Variants in KCNH7 observed in about 807,000 individuals in gnomAD.
KCNH7 encodes voltage-gated inwardly rectifying potassium channel KCNH7.
A neutral mutation model predicts 120.8 loss-of-function variants in KCNH7; 49 were observed. That is an observed-to-expected ratio of 0.41 (90% confidence interval 0.32 to 0.51). The LOEUF (loss-of-function observed/expected upper bound fraction) is 0.51. Among genes scored for constraint, KCNH7 ranks in the 20% least tolerant of loss-of-function variants. The pLI is 0.38. For missense variants in KCNH7, 1,097 were observed against 1,446.6 expected, an observed-to-expected ratio of 0.76 and a Z score of 3.92; for synonymous variants, 547 against 516.1, an observed-to-expected ratio of 1.06 and a Z score of -0.81.
intron 6 of KCNH7, among the ~76,000 whole-genome samples, chr2:162,501,354 A>G (rs950138790): frequency 6.6e-6 from 1 of 152,090 alleles, no homozygotes; most frequent in Non-Finnish European, 1.5e-5. Context: ...GCAGTTTGAA[A>G]AAGGCTTTTG....
At chr2:162,459,321 T>C (rs956662882) in intron 6 of KCNH7, among the ~76,000 whole-genome samples, 2 of 152,098 alleles carry the variant, frequency 1.3e-5, no homozygotes, top group African/African-American at 4.8e-5. Flanking sequence ...AAAGAGCCTA[T>C]GCAAATAAAA....
intron 2 of KCNH7, among the ~76,000 whole-genome samples, chr2:162,782,682 G>C (rs922580924): frequency 1.3e-5 from 2 of 152,298 alleles, no homozygotes; most frequent in African/African-American, 4.8e-5. Context: ...GAAAACATCT[G>C]AGTATCAAGA....
chr2:162,557,187 A>G (rs112727212), intron 2 of KCNH7, among the ~76,000 whole-genome samples: 2 of 152,292 alleles, frequency 1.3e-5, no homozygotes, highest in African/African-American at 4.8e-5. Context: ...GTGCACTCAT[A>G]TGGCTGGCTG....
Position 162,371,719 on chromosome 2 carries a change from A to T in KCNH7, c.*110T>A. On this transcript the variant is annotated 3_prime_UTR_variant, in exon 16 of 16. Transcript: ENST00000332142. ...AGGAAAATATACAGTACTTTTGCATATAATGGTACCTTGTGAGCCCCTGAG... is the reference window on the plus strand; with the variant it reads ...AGGAAAATATACAGTACTTTTGCATTTAATGGTACCTTGTGAGCCCCTGAG... 1 of 1,058,572 alleles carries T rather than the reference A, an allele frequency of 9.4e-7. No homozygotes were observed. The highest frequency in any genetic ancestry group is 1.3e-6 in the Non-Finnish European group (1 of 747,868). 65.6% of individuals were successfully genotyped at this position (1,058,572 alleles called of 1,614,324 possible). A position where few individuals can be genotyped will look rare whatever the true frequency, so the allele number is the denominator to read the frequency against.
chr2:162,623,923 A>C (rs1024945710), intron 2 of KCNH7, among the ~76,000 whole-genome samples: 5 of 152,182 alleles, frequency 3.3e-5, no homozygotes, highest in African/African-American at 1.2e-4. Flanking sequence ...CCGCACTCTG[A>C]AAATGTTAAA....
intron 2 of KCNH7, among the ~76,000 whole-genome samples, chr2:162,745,061 C>T (rs1464457119): frequency 6.6e-6 from 1 of 152,146 alleles, no homozygotes; most frequent in East Asian, 1.9e-4. Flanking sequence ...ATTCAGGCAG[C>T]TAAAATTCTC....
intron 3 of KCNH7, among the ~76,000 whole-genome samples, chr2:162,521,190 C>T (rs1282141704): frequency 6.6e-6 from 1 of 151,844 alleles, no homozygotes; most frequent in African/African-American, 2.4e-5. Context: ...GGGCAGGGCC[C>T]CAGGCTATTT....
intron 2 of KCNH7, among the ~76,000 whole-genome samples, chr2:162,776,873 C>T (rs1683260395): frequency 6.6e-6 from 1 of 152,114 alleles, no homozygotes; most frequent in African/African-American, 2.4e-5. Flanking sequence ...AACTTTCTGG[C>T]TTGGGTAGAG....
At chr2:162,738,501 TTCAGAC>T (rs1688000584) in intron 2 of KCNH7, among the ~76,000 whole-genome samples, 2 of 152,198 alleles carry the variant, frequency 1.3e-5, no homozygotes, top group African/African-American at 4.8e-5. Flanking sequence ...GACAGAGGCT[TTCAGAC>T]TCAGTCAGGA....
chr2:162,725,931 A>G lies in KCNH7; in HGVS notation c.307+110606T>C, dbSNP rs192577830. ...TCATGTCATCTGCACATATTTCAGC[A>G]TGTATTTCTAAAAGAATATTTTCTT... On this transcript the variant is annotated intron_variant, in intron 2 of 15. Transcript: ENST00000332142. 1.6e-3 allele frequency among the ~76,000 whole-genome samples: 251 copies of G among 152,328 alleles called. 2 individuals carry two copies. The highest frequency in any genetic ancestry group is 5.8e-3 in the African/African-American group (240 of 41,564).
At chr2:162,524,004 T>G (rs1337230481) in intron 3 of KCNH7, among the ~76,000 whole-genome samples, 1 of 151,490 alleles carries the variant, frequency 6.6e-6, no homozygotes, top group East Asian at 2.0e-4. Flanking sequence ...GTATGGGGAG[T>G]AAAGTAAGGT....
intron 2 of KCNH7, among the ~76,000 whole-genome samples, chr2:162,572,131 T>G (rs1315237537): frequency 6.6e-6 from 1 of 151,922 alleles, no homozygotes; most frequent in Non-Finnish European, 1.5e-5. Context: ...GGGAGAAAAT[T>G]TTCGCAACCT....
At chr2:162,822,210 G>A (rs1328386914) in intron 2 of KCNH7, among the ~76,000 whole-genome samples, 1 of 151,382 alleles carries the variant, frequency 6.6e-6, no homozygotes, top group Non-Finnish European at 1.5e-5. Flanking sequence ...AGATGTGGGT[G>A]CAAACTTCAT....
At chr2:162,411,738 T>C (rs1329604595) in intron 9 of KCNH7, among the ~76,000 whole-genome samples, 1 of 151,608 alleles carries the variant, frequency 6.6e-6, no homozygotes, top group Non-Finnish European at 1.5e-5. Flanking sequence ...ATTAAGATAT[T>C]TATTAAAATA....
At chr2:162,695,788 G>A (rs548154102) in intron 2 of KCNH7, among the ~76,000 whole-genome samples, 10 of 152,126 alleles carry the variant, frequency 6.6e-5, no homozygotes, top group African/African-American at 2.2e-4. Context: ...ATTATTGAAG[G>A]AGAGTCAAAT....
intron 2 of KCNH7, among the ~76,000 whole-genome samples, chr2:162,661,708 A>G (rs1684964895): frequency 6.6e-6 from 1 of 152,148 alleles, no homozygotes; most frequent in African/African-American, 2.4e-5. Flanking sequence ...TGAAAATATC[A>G]TAAACTTCAT....
chr2:162,380,101 G>A, intron 13 of KCNH7, 80 bp from the exon 14 acceptor site: 1 of 1,509,852 alleles, frequency 6.6e-7, no homozygotes, highest in Non-Finnish European at 9.1e-7. Context: ...CACAAGACAA[G>A]CTGGAAAGGA....
intron 9 of KCNH7, among the ~76,000 whole-genome samples, chr2:162,416,317 G>T (rs1687540673): frequency 6.6e-6 from 1 of 150,710 alleles, no homozygotes; most frequent in South Asian, 2.1e-4. Flanking sequence ...AAGTTGCAGT[G>T]AGCTGAGATC....
chr2:162,741,344 T>TATTAATAACATGTTATTAATTAC (rs1167720478), intron 2 of KCNH7, among the ~76,000 whole-genome samples: 1 of 144,354 alleles, frequency 6.9e-6, no homozygotes, highest in East Asian at 2.4e-4. Flanking sequence ...TTATTAATTA[T>TATTAATAACATGTTATTAATTAC]ACATATTAAT....
Sources: gnomAD v4.1 joint callset for allele counts (sites outside exome capture counted in the v4.1 genomes callset) on GRCh38, gnomAD v4.1.1 for gene constraint, MANE v1.5 for transcripts, NCBI Gene and HGNC (gene_info 2026-07-23, HGNC 2026-07-21) for gene names.